Variants in SLF1 observed in about 807,000 individuals in gnomAD.
The protein encoded by SLF1 is SMC5/6 complex localization factor 1, also known as SMC5-SMC6 complex localization factor protein 1.
A neutral mutation model predicts 123.0 loss-of-function variants in SLF1; 105 were observed. The ratio of observed to expected loss-of-function variants is 0.85; its 90% CI spans 0.73 to 1.00. The LOEUF (loss-of-function observed/expected upper bound fraction) is 1.00, where lower values mean the gene tolerates loss of function less well. Among genes scored for constraint, SLF1 ranks in the 50% least tolerant of loss-of-function variants. The pLI is 0.00. For missense variants in SLF1, 1,239 were observed against 1,223.0 expected (o/e 1.01, Z -0.20); for synonymous variants, 434 against 406.6 (o/e 1.07, Z -0.81).
chr5:94,649,582 C>A lies in SLF1; in HGVS notation c.723C>A (p.Thr241=). 1 of 1,508,906 alleles carries A rather than the reference C, an allele frequency of 6.6e-7. No individual in the cohort carries two copies. The highest frequency in any genetic ancestry group is 8.9e-7 in the Non-Finnish European group (1 of 1,119,504). 93.5% of individuals were successfully genotyped at this position (1,508,906 alleles called of 1,614,324 possible). A position where few individuals can be genotyped will look rare whatever the true frequency, so the allele number is the denominator to read the frequency against. ...AAATGAAAGGTGCCTTAAGAGAGAC[C>A]ATGTATAGAACCCAGGTAAACTTTA... ...FLEMKGALRE[T]MYRTQKEMQN... The change falls in exon 6 of 21, where the codon ACC becomes ACA. Residue 241 remains threonine (T), a synonymous_variant. Transcript: ENST00000265140.
intron 4 of SLF1, among the ~76,000 whole-genome samples, chr5:94,634,154 C>G (rs1745501837): frequency 6.6e-6 from 1 of 152,184 alleles, no homozygotes; most frequent in African/African-American, 2.4e-5. Context: ...TTAGTCATTA[C>G]TTCTGTTAGT....
chr5:94,680,374 C>T (rs1337623881), intron 15 of SLF1, among the ~76,000 whole-genome samples: 1 of 152,154 alleles, frequency 6.6e-6, no homozygotes, highest in Non-Finnish European at 1.5e-5. Flanking sequence ...TGTTGCATGA[C>T]TTTAACATTT....
At chr5:94,647,346 G>A (rs1747180760) in intron 5 of SLF1, among the ~76,000 whole-genome samples, 1 of 152,110 alleles carries the variant, frequency 6.6e-6, no homozygotes, top group African/African-American at 2.4e-5. Context: ...TATGCATCTG[G>A]TCTAATCAGT....
intron 19 of SLF1, 96 bp from the exon 20 acceptor site, chr5:94,691,978 A>G: frequency 8.4e-7 from 1 of 1,188,716 alleles, no homozygotes; most frequent in Non-Finnish European, 1.2e-6. Context: ...TGAAGCACCT[A>G]GAAAGTCACA....
chr5:94,652,984 A>G (rs1747926172), intron 7 of SLF1, among the ~76,000 whole-genome samples: 1 of 152,032 alleles, frequency 6.6e-6, no homozygotes, highest in Non-Finnish European at 1.5e-5. Context: ...CAGCCTCCCA[A>G]GTAGCTGGGA....
At chr5:94,648,786 G>C (rs999869849) in intron 5 of SLF1, among the ~76,000 whole-genome samples, 1 of 152,172 alleles carries the variant, frequency 6.6e-6, no homozygotes, top group Non-Finnish European at 1.5e-5. Context: ...AGCCTGAACA[G>C]CCTCTCATAA....
intron 14 of SLF1, among the ~76,000 whole-genome samples, chr5:94,673,375 C>CT (rs796737532): frequency 7.2e-5 from 11 of 151,920 alleles, no homozygotes; most frequent in African/African-American, 2.7e-4. Context: ...GTTTTCTTCT[C>CT]TAAGTGGGTT....
At chr5:94,676,100 C>T (rs1384494715) in intron 14 of SLF1, among the ~76,000 whole-genome samples, 1 of 151,960 alleles carries the variant, frequency 6.6e-6, no homozygotes, top group Non-Finnish European at 1.5e-5. Flanking sequence ...AATTTACCAA[C>T]CTCTTGCTTC....
chr5:94,681,913 CAG>C (rs541962992), intron 15 of SLF1, among the ~76,000 whole-genome samples: 27 of 152,280 alleles, frequency 1.8e-4, no homozygotes, highest in Admixed American at 1.6e-3. Context: ...GCCTGGGGGA[CAG>C]AGTGAGACTC....
At chr5:94,619,247 T>G (rs571936783) in intron 1 of SLF1, among the ~76,000 whole-genome samples, 10 of 152,248 alleles carry the variant, frequency 6.6e-5, no homozygotes, top group Admixed American at 2.0e-4. Flanking sequence ...CACTTTCCTG[T>G]GACGAAGAAA....
chr5:94,675,275 ATAGAGT>A (rs1750919322), intron 14 of SLF1, among the ~76,000 whole-genome samples: 1 of 152,244 alleles, frequency 6.6e-6, no homozygotes, highest in African/African-American at 2.4e-5. Context: ...ATGTCTGGTA[ATAGAGT>A]TAAACATATT....
At chr5:94,630,817 T>C in intron 4 of SLF1, 74 bp downstream of exon 4, 1 of 1,469,122 alleles carries the variant, frequency 6.8e-7, no homozygotes, top group Non-Finnish European at 9.1e-7. Flanking sequence ...ACTTTCTGTA[T>C]TTTTTTGCAA....
At chr5:94,631,615 C>G (rs1745204365) in intron 4 of SLF1, among the ~76,000 whole-genome samples, 1 of 152,146 alleles carries the variant, frequency 6.6e-6, no homozygotes, top group Non-Finnish European at 1.5e-5. Context: ...GAGTAGTAGT[C>G]TACTCCATGG....
In SLF1 at chr5:94,678,803, G is replaced by A. The variant is rs762231411; in HGVS notation, c.1828-5G>A. On this transcript the variant is annotated splice_region_variant and splice_polypyrimidine_tract_variant and intron_variant, in intron 14 of 20. Coordinates refer to ENST00000265140, the MANE Select transcript of SLF1 (RefSeq NM_032290.4). ...TTTAGTAATTTTTTTGTATCTTAAT[G>A]TTAGGTCTTCAAACATGAACTAGCT... 1 of 1,607,736 alleles carries A rather than the reference G, an allele frequency of 6.2e-7. No homozygotes were observed. The highest frequency in any genetic ancestry group is 8.5e-7 in the Non-Finnish European group (1 of 1,175,818).
chr5:94,628,021 T>A (rs1298119737), intron 1 of SLF1, among the ~76,000 whole-genome samples: 3 of 152,116 alleles, frequency 2.0e-5, no homozygotes, highest in Non-Finnish European at 2.9e-5. Flanking sequence ...GAGACAGGGT[T>A]TCACCATGTT....
At chr5:94,630,277 G>T (rs927667893) in intron 3 of SLF1, among the ~76,000 whole-genome samples, 15 of 152,028 alleles carry the variant, frequency 9.9e-5, no homozygotes, top group African/African-American at 3.6e-4. Context: ...ATTATATTTA[G>T]AATTATAATT....
At chr5:94,647,084 TA>T (rs1365570912) in intron 5 of SLF1, among the ~76,000 whole-genome samples, 2 of 152,282 alleles carry the variant, frequency 1.3e-5, no homozygotes, top group Admixed American at 1.3e-4. Context: ...AACCACTCAA[TA>T]AATTTTAAGG....
At chr5:94,634,528 AT>A (rs1745541937) in intron 4 of SLF1, among the ~76,000 whole-genome samples, 3 of 152,152 alleles carry the variant, frequency 2.0e-5, no homozygotes, top group Non-Finnish European at 4.4e-5. Context: ...TAAAGTCTAC[AT>A]ATTATTCTAT....
chr5:94,661,291 C>T (rs1484547198), intron 9 of SLF1, among the ~76,000 whole-genome samples: 1 of 150,608 alleles, frequency 6.6e-6, no homozygotes, highest in African/African-American at 2.4e-5. Flanking sequence ...TCTTGTTTTT[C>T]CCATTCGTAG....
Sources: gnomAD v4.1 joint callset for allele counts (sites outside exome capture counted in the v4.1 genomes callset) on GRCh38, gnomAD v4.1.1 for gene constraint, MANE v1.5 for transcripts, NCBI Gene and HGNC (gene_info 2026-07-23, HGNC 2026-07-21) for gene names.